Variants in C9 observed in about 807,000 individuals in gnomAD.
C9 encodes complement C9.
In C9, 63 loss-of-function variants were observed where a neutral mutation model predicts 65.4. That is an observed-to-expected ratio of 0.96 (90% CI 0.79 to 1.19). The LOEUF (loss-of-function observed/expected upper bound fraction) is 1.19, where lower values mean the gene tolerates loss of function less well. C9 is among the 50% of genes most tolerant of loss of function. The pLI, the probability that C9 is intolerant of heterozygous loss-of-function variation, is 0.00. For synonymous variants in C9, 229 were observed against 227.9 expected (o/e 1.00, Z -0.04); for missense variants, 744 against 670.1 (o/e 1.11, Z -1.22).
chr5:39,334,141 G>C (rs961104846), intron 4 of C9, among the ~76,000 whole-genome samples: 2 of 150,082 alleles, frequency 1.3e-5, no homozygotes, highest in South Asian at 2.1e-4. Flanking sequence ...CTCTCTGCCC[G>C]GCCGCCATCC....
At position 39,315,789 on chromosome 5, in the gene C9, A is replaced by G. The variant is rs1434758337; in HGVS notation, c.856T>C (p.Tyr286His). Residue 286 changes from tyrosine (Y) to histidine (H), a missense_variant, in exon 6 of 11, where the codon TAT becomes CAT. By Grantham distance (83) the Tyr-to-His change is moderately conservative (BLOSUM62 2). Coordinates refer to ENST00000263408, the MANE Select transcript of C9 (RefSeq NM_001737.5). ...KNETYQLFLS[Y>H]SSKKEKMFLH... ...TTTTGTCTTACCTTCTTTGAAGAATATGACAAAAATAGTTGGTAAGTTTCA... is the reference window on the plus strand; with the variant it reads ...TTTTGTCTTACCTTCTTTGAAGAATGTGACAAAAATAGTTGGTAAGTTTCA... 1 of 1,601,698 alleles carries G rather than the reference A, an allele frequency of 6.2e-7. No homozygotes were observed. The highest frequency in any genetic ancestry group is 8.6e-7 in the Non-Finnish European group (1 of 1,169,150).
chr5:39,298,673 A>T (rs1753230321), intron 9 of C9, among the ~76,000 whole-genome samples: 1 of 151,786 alleles, frequency 6.6e-6, no homozygotes, highest in South Asian at 2.1e-4. Context: ...ACAAACATTT[A>T]AAAAAGACAT....
intron 7 of C9, 129 bp downstream of exon 7, chr5:39,311,008 G>A: frequency 9.9e-7 from 1 of 1,006,976 alleles, no homozygotes; most frequent in Non-Finnish European, 1.5e-6. Context: ...GGCAGGAAGA[G>A]AGTCCTCTCA....
chr5:39,302,087 G>A (rs1753295829), intron 9 of C9, among the ~76,000 whole-genome samples: 1 of 152,092 alleles, frequency 6.6e-6, no homozygotes, highest in African/African-American at 2.4e-5. Flanking sequence ...TGTATAAACA[G>A]TGTTGGAAGA....
At chr5:39,354,375 T>TTCTA (rs1754378215) in intron 1 of C9, among the ~76,000 whole-genome samples, 1 of 152,202 alleles carries the variant, frequency 6.6e-6, no homozygotes, top group South Asian at 2.1e-4. Flanking sequence ...GTGATCCCCA[T>TTCTA]TCTATACTGA....
At chr5:39,345,005 G>A (rs1366480485) in intron 1 of C9, among the ~76,000 whole-genome samples, 1 of 152,134 alleles carries the variant, frequency 6.6e-6, no homozygotes, top group Admixed American at 6.5e-5. Flanking sequence ...CTGCCCTACA[G>A]GAGCTCCTGA....
chr5:39,361,921 G>A (rs924750480), intron 1 of C9, among the ~76,000 whole-genome samples: 1 of 152,238 alleles, frequency 6.6e-6, no homozygotes, highest in Non-Finnish European at 1.5e-5. Flanking sequence ...AAGGCTAGCT[G>A]TAATTCCAAC....
intron 9 of C9, among the ~76,000 whole-genome samples, chr5:39,304,781 T>G (rs907575488): frequency 6.6e-6 from 1 of 152,168 alleles, no homozygotes; most frequent in African/African-American, 2.4e-5. Flanking sequence ...CCTGAAAATT[T>G]GGGGAAGTAA....
intron 10 of C9, among the ~76,000 whole-genome samples, chr5:39,286,094 T>C (rs907609998): frequency 2.6e-5 from 4 of 152,084 alleles, no homozygotes; most frequent in Admixed American, 6.6e-5. Flanking sequence ...TAATTTTATA[T>C]TGGGGAAGGG....
intron 5 of C9, among the ~76,000 whole-genome samples, chr5:39,316,636 T>C (rs1026992966): frequency 1.3e-5 from 2 of 152,218 alleles, no homozygotes; most frequent in East Asian, 1.9e-4. Context: ...CTGATGATAA[T>C]GGCTTCCAGC....
At chr5:39,322,879 G>A (rs1423278391) in intron 5 of C9, among the ~76,000 whole-genome samples, 1 of 152,100 alleles carries the variant, frequency 6.6e-6, no homozygotes, top group Admixed American at 6.5e-5. Context: ...ACTGGAGGCT[G>A]AGCATAGGGT....
At position 39,335,949 on chromosome 5, in the gene C9, G is replaced by A. The variant is rs148396256; in HGVS notation, c.477-4135C>T. ...GTCTTCAGATACTCTGTTTGTCTCCGCTATAAAGGAATTTTGATAAATTAT... is the reference window on the plus strand; with the variant it reads ...GTCTTCAGATACTCTGTTTGTCTCCACTATAAAGGAATTTTGATAAATTAT... On this transcript the variant is annotated intron_variant, in intron 4 of 10. Coordinates refer to ENST00000263408, the MANE Select transcript of C9 (RefSeq NM_001737.5). Among the ~76,000 whole-genome samples the A allele has an allele frequency of 4.7e-3, 708 of 152,176 alleles. 5 individuals carry two copies. Among genetic ancestry groups the A allele is most frequent in the African/African-American group, 0.015 (632 of 41,502 alleles).
chr5:39,364,300 A>G, intron 1 of C9, 88 bp downstream of exon 1: 1 of 774,658 alleles, frequency 1.3e-6, no homozygotes, highest in Middle Eastern at 2.3e-4. Flanking sequence ...GTGGATTAAC[A>G]TTGTCATGTA....
intron 5 of C9, among the ~76,000 whole-genome samples, chr5:39,330,154 C>T (rs761119272): frequency 6.6e-6 from 1 of 151,708 alleles, no homozygotes; most frequent in Non-Finnish European, 1.5e-5. Flanking sequence ...TAAAAGGTAT[C>T]TATAGTCTTC....
intron 5 of C9, among the ~76,000 whole-genome samples, chr5:39,325,832 T>C (rs1345183049): frequency 6.6e-6 from 1 of 152,006 alleles, no homozygotes; most frequent in South Asian, 2.1e-4. Flanking sequence ...CCTAGATCTC[T>C]TTTTACAATT....
intron 9 of C9, among the ~76,000 whole-genome samples, chr5:39,295,982 T>A (rs1006062464): frequency 6.6e-6 from 1 of 151,768 alleles, no homozygotes; most frequent in African/African-American, 2.4e-5. Context: ...ATTGTCCATA[T>A]GCAGAAGAAT....
rs35431875 is a variant in C9, at chr5:39,364,407, T to G, written c.58A>C (p.Thr20Pro). The G allele has an allele frequency of 2.6e-5, 42 of 1,600,822 alleles. No homozygotes were observed. The African/African-American group carries it at 5.1e-4, about 19-fold the overall frequency. ...AICILEISIL[T>P]AQYTTSYDPE... The stretch of plus-strand genomic sequence containing the variant: ...ACTCACCTGGTCGTGTACTGTGCTG[T>G]GAGGATGCTTATTTCTAAAATGCAG... The change falls in exon 1 of 11, where the codon ACA (threonine) becomes CCA (proline). Residue 20 changes from threonine (T) to proline (P), a missense_variant. Thr to Pro is a conservative substitution (Grantham distance 38). Coordinates refer to ENST00000263408, the MANE Select transcript of C9 (RefSeq NM_001737.5).
intron 7 of C9, among the ~76,000 whole-genome samples, chr5:39,308,936 CT>C (rs1753428097): frequency 6.6e-6 from 1 of 152,156 alleles, no homozygotes; most frequent in African/African-American, 2.4e-5. Context: ...ACATCAACAT[CT>C]CCTGATCCTC....
chr5:39,324,646 T>C (rs771394930), intron 5 of C9, among the ~76,000 whole-genome samples: 26 of 152,080 alleles, frequency 1.7e-4, no homozygotes, highest in Admixed American at 1.0e-3. Context: ...CCAGAAAGCA[T>C]AGGAATGAAA....
Sources: allele counts gnomAD v4.1 joint callset (sites outside exome capture counted in the v4.1 genomes callset), GRCh38; gene constraint gnomAD v4.1.1; transcripts MANE v1.5; gene names NCBI Gene and HGNC (gene_info 2026-07-23, HGNC 2026-07-21).